Variants in NLGN1 observed in about 807,000 individuals in gnomAD.
The protein encoded by NLGN1 is neuroligin-1.
In NLGN1, 12 loss-of-function variants were observed where a neutral mutation model predicts 65.5. The ratio of observed to expected loss-of-function variants is 0.18; its 90% CI spans 0.12 to 0.30. NLGN1 has a LOEUF of 0.30. Among genes scored for constraint, NLGN1 ranks in the 10% least tolerant of loss-of-function variants. NLGN1 has a pLI of 1.00. For missense variants in NLGN1, 750 were observed against 1,007.1 expected (o/e 0.74, Z 3.46); for synonymous variants, 350 against 359.5 (o/e 0.97, Z 0.30).
At chr3:174,021,130 AGGGTGGCTAGT>A (rs1727672985) in intron 4 of NLGN1, among the ~76,000 whole-genome samples, 2 of 151,944 alleles carry the variant, frequency 1.3e-5, no homozygotes, top group South Asian at 4.2e-4. Context: ...ATGGTTGAGG[AGGGTGGCTAGT>A]GGTAAAGATA....
chr3:173,725,359 A>G (rs1771594079), intron 3 of NLGN1, among the ~76,000 whole-genome samples: 1 of 152,154 alleles, frequency 6.6e-6, no homozygotes, highest in African/African-American at 2.4e-5. Flanking sequence ...TCCTAAGATT[A>G]AAAAACACTA....
At chr3:173,902,236 A>T (rs1737515462) in intron 4 of NLGN1, among the ~76,000 whole-genome samples, 1 of 152,028 alleles carries the variant, frequency 6.6e-6, no homozygotes, top group Non-Finnish European at 1.5e-5. Flanking sequence ...CCTGGATAGG[A>T]TCCATTAAAA....
At chr3:174,170,843 C>T (rs1044271126) in intron 4 of NLGN1, among the ~76,000 whole-genome samples, 2 of 152,128 alleles carry the variant, frequency 1.3e-5, no homozygotes, top group African/African-American at 2.4e-5. Flanking sequence ...ATAATGTGTG[C>T]TATTGCCCTA....
At chr3:174,146,093 T>TTTCCTTCCTTCCTTCC (rs35623695) in intron 4 of NLGN1, among the ~76,000 whole-genome samples, 74 of 125,176 alleles carry the variant, frequency 5.9e-4, no homozygotes, top group Admixed American at 1.5e-3. Context: ...ATTCTACTCT[T>TTTCCTTCCTTCCTTCC]TTCCTTCCTT....
intron 2 of NLGN1, among the ~76,000 whole-genome samples, chr3:173,477,475 T>G (rs1726422931): frequency 6.6e-6 from 1 of 152,042 alleles, no homozygotes; most frequent in African/African-American, 2.4e-5. Context: ...GCCCAGAAAT[T>G]CGAGGCTACA....
chr3:173,749,816 C>T (rs1457002966), intron 3 of NLGN1, among the ~76,000 whole-genome samples: 2 of 152,052 alleles, frequency 1.3e-5, no homozygotes, highest in African/African-American at 4.8e-5. Flanking sequence ...AGTGCTCTTC[C>T]ATTACCTGAT....
chr3:173,431,541 G>A (rs779319592), intron 1 of NLGN1, among the ~76,000 whole-genome samples: 1 of 151,662 alleles, frequency 6.6e-6, no homozygotes, highest in African/African-American at 2.4e-5. Flanking sequence ...CATGATTTTT[G>A]GATATATATA....
At chr3:173,880,672 A>C (rs1191228009) in intron 4 of NLGN1, among the ~76,000 whole-genome samples, 2 of 152,142 alleles carry the variant, frequency 1.3e-5, no homozygotes, top group Non-Finnish European at 2.9e-5. Flanking sequence ...TCTTGCCTAA[A>C]CTAAGGCTCT....
chr3:174,046,454 T>A (rs1733623242), intron 4 of NLGN1, among the ~76,000 whole-genome samples: 1 of 152,074 alleles, frequency 6.6e-6, no homozygotes, highest in African/African-American at 2.4e-5. Flanking sequence ...AATGGAGCTG[T>A]GAAGAGCTTC....
chr3:174,004,731 T>A (rs2152432247), intron 4 of NLGN1, among the ~76,000 whole-genome samples: 1 of 152,266 alleles, frequency 6.6e-6, no homozygotes, highest in South Asian at 2.1e-4. Flanking sequence ...ATAGAAATTA[T>A]CAAAATGTAA....
chr3:173,438,596 GT>G (rs1718584771), intron 2 of NLGN1, among the ~76,000 whole-genome samples: 1 of 151,964 alleles, frequency 6.6e-6, no homozygotes, highest in South Asian at 2.1e-4. Flanking sequence ...CTGATAAAAA[GT>G]TTTAATTTTT....
intron 4 of NLGN1, among the ~76,000 whole-genome samples, chr3:174,054,137 A>G (rs544747899): frequency 7.2e-5 from 11 of 152,154 alleles, no homozygotes; most frequent in Admixed American, 6.6e-4. Flanking sequence ...TATGGCTTCA[A>G]ATGTTTTCAC....
chr3:173,593,061 C>T (rs1378914037), intron 2 of NLGN1, among the ~76,000 whole-genome samples: 3 of 152,086 alleles, frequency 2.0e-5, no homozygotes, highest in Admixed American at 6.6e-5. Context: ...CCCTGGTTTC[C>T]AGATTAATTC....
At chr3:173,415,919 G>GAGAGAGAGGGAGA (rs1713651073) in intron 1 of NLGN1, among the ~76,000 whole-genome samples, 1 of 125,204 alleles carries the variant, frequency 8.0e-6, no homozygotes, top group African/African-American at 3.3e-5. Context: ...AGAGAGAGAG[G>GAGAGAGAGGGAGA]GAGAGAGAGA....
intron 4 of NLGN1, among the ~76,000 whole-genome samples, chr3:174,004,102 C>A (rs946664262): frequency 1.3e-5 from 2 of 152,002 alleles, no homozygotes; most frequent in Non-Finnish European, 1.5e-5. Context: ...TGAATTGAAT[C>A]GAGCATCAGA....
intron 4 of NLGN1, among the ~76,000 whole-genome samples, chr3:174,159,632 G>C (rs368126158): frequency 6.6e-6 from 1 of 151,584 alleles, no homozygotes. Context: ...TCACACAGAA[G>C]AGAAAAAACT....
intron 2 of NLGN1, among the ~76,000 whole-genome samples, chr3:173,517,806 T>TC (rs1307940095): frequency 6.8e-6 from 1 of 147,288 alleles, no homozygotes; most frequent in Non-Finnish European, 1.5e-5. Flanking sequence ...ATCTATCATA[T>TC]CTATCTGTCA....
chr3:173,626,497 A>G (rs935436421), intron 3 of NLGN1, among the ~76,000 whole-genome samples: 1 of 152,080 alleles, frequency 6.6e-6, no homozygotes, highest in Non-Finnish European at 1.5e-5. Flanking sequence ...TTTTTGCTGA[A>G]ATTTTGTCAT....
chr3:173,668,125 A>T (rs925277896), intron 3 of NLGN1, among the ~76,000 whole-genome samples: 2 of 152,190 alleles, frequency 1.3e-5, no homozygotes, highest in African/African-American at 4.8e-5. Context: ...TAATATGATC[A>T]TTTAAATACT....
Sources: allele counts gnomAD v4.1 joint callset (sites outside exome capture counted in the v4.1 genomes callset), GRCh38; gene constraint gnomAD v4.1.1; transcripts MANE v1.5; gene names NCBI Gene and HGNC (gene_info 2026-07-23, HGNC 2026-07-21).